CRYBG3: variants seen among roughly 807,000 people sequenced by gnomAD.
CRYBG3 encodes the protein very large A-kinase anchor protein.
A neutral mutation model predicts 244.2 loss-of-function variants in CRYBG3; 127 were observed. The ratio of observed to expected loss-of-function variants is 0.52; its 90% CI spans 0.45 to 0.60. The LOEUF (loss-of-function observed/expected upper bound fraction) is 0.60. CRYBG3 is among the 20% of genes least tolerant of loss of function. The pLI is 0.00. For missense variants in CRYBG3, 3,325 were observed against 3,442.5 expected, an observed-to-expected ratio of 0.97 and a Z score of 0.85; for synonymous variants, 1,132 against 1,195.8, an observed-to-expected ratio of 0.95 and a Z score of 1.10.
At position 97,911,900 on chromosome 3, in the gene CRYBG3, A is replaced by T. The variant is rs831881; in HGVS notation, c.8005-267A>T. ...TGATGTACTCTTCTAGGTAGAATTG[A>T]TTTCTAGGCCTCTCTTCCCACAATT... On this transcript the variant is annotated intron_variant, in intron 15 of 21. Transcript: ENST00000389622. Among the ~76,000 whole-genome samples, 116,238 of 152,074 alleles carry T rather than the reference A, an allele frequency of 0.76. 44,990 individuals are homozygous for T. The highest frequency in any genetic ancestry group is 0.85 in the East Asian group (4,417 of 5,184).
At position 97,943,286 on chromosome 3, in the gene CRYBG3, C is replaced by T. The variant is rs1281836389; in HGVS notation, c.8885C>T (p.Thr2962Ile). ...IVNQPLEGEE[T>I]QKWDIEIL ...AATCAGCCCCTGGAGGGAGAAGAAACACAGAAATGGGACATTGAAATATTG... is the reference window on the plus strand; with the variant it reads ...AATCAGCCCCTGGAGGGAGAAGAAATACAGAAATGGGACATTGAAATATTG... Residue 2962 changes from threonine (T) to isoleucine (I), a missense_variant, in exon 22 of 22, where the codon ACA becomes ATA. Coordinates refer to ENST00000389622, the MANE Select transcript of CRYBG3 (RefSeq NM_153605.4). 2.5e-6 allele frequency: 4 copies of T among 1,585,550 alleles called. No individual in the cohort carries two copies. Among genetic ancestry groups the T allele is most frequent in the Non-Finnish European group, 3.5e-6 (4 of 1,155,870 alleles).
rs1347374452 is a variant in CRYBG3 at position 97,822,062 on chromosome 3, C to G, written c.-145C>G. On this transcript the variant is annotated 5_prime_UTR_variant, in exon 1 of 22. Transcript: ENST00000389622. ...CGCGTCGCGTCCGCACTTCTCCTGCCCGAGAGAGACTGAGCCGCGCTGGCA... is the reference window on the plus strand; with the variant it reads ...CGCGTCGCGTCCGCACTTCTCCTGCGCGAGAGAGACTGAGCCGCGCTGGCA... 7 of 607,330 alleles carry G rather than the reference C, an allele frequency of 1.2e-5. No individual in the cohort carries two copies. Among genetic ancestry groups the G allele is most frequent in the African/African-American group, 1.9e-5 (1 of 52,572 alleles). The allele number at this position is 607,330 out of a possible 1,614,324, so 37.6% of individuals were successfully genotyped here.
At position 97,904,680 on chromosome 3, in the gene CRYBG3, TTTTTTATTTTTTTA is replaced by T. The variant is rs567213760; in HGVS notation, c.8004+4209_8004+4222del. On this transcript the variant is annotated intron_variant, in intron 15 of 21. Transcript: ENST00000389622. ...TTTTCTTTTATTTTTATTTTTTTTA[TTTTTTATTTTTTTA>T]TTTTTATTTTTTTTTAAGTTTCTGA... 2.5e-3 allele frequency among the ~76,000 whole-genome samples: 375 copies of T among 151,002 alleles called. 1 individual carries two copies. The East Asian group carries it at 0.025, about 10-fold the overall frequency.
In CRYBG3 at chr3:97,904,811, A is replaced by G. The variant is rs569498635; in HGVS notation, c.8004+4326A>G. Among the ~76,000 whole-genome samples the G allele has an allele frequency of 6.9e-4, 104 of 151,174 alleles. 1 individual carries two copies. The highest frequency in any genetic ancestry group is 2.5e-3 in the African/African-American group (101 of 41,132). ...GTGCAGGTTAGTTACATATGTATACATGTGCCATGCTGGTGCACTGCACCC... is the reference window on the plus strand; with the variant it reads ...GTGCAGGTTAGTTACATATGTATACGTGTGCCATGCTGGTGCACTGCACCC... On this transcript the variant is annotated intron_variant, in intron 15 of 21. Transcript: ENST00000389622.
Position 97,899,237 on chromosome 3 carries a change from A to C in CRYBG3, c.7945A>C (p.Ile2649Leu). 1 of 1,613,684 alleles carries C rather than the reference A, an allele frequency of 6.2e-7. No homozygotes were observed. The highest frequency in any genetic ancestry group is 8.5e-7 in the Non-Finnish European group (1 of 1,179,814). Residue 2649 changes from isoleucine to leucine, a missense_variant, in exon 14 of 22, where the codon ATC becomes CTC. By Grantham distance (5) the Ile-to-Leu change is conservative (BLOSUM62 2). Transcript: ENST00000389622. ...TGACTGGGGAGGATCAAATAATATA[A>C]TCATGTCGATACGGCCAATCCAACT... ...FFDWGGSNNI[I>L]MSIRPIQLEP...
Position 97,875,624 on chromosome 3 carries a change from A to G in CRYBG3, c.4430A>G (p.Lys1477Arg). 8.1e-7 allele frequency: 1 copy of G among 1,235,184 alleles called. No individual in the cohort carries two copies. Among genetic ancestry groups the G allele is most frequent in the East Asian group, 3.1e-5 (1 of 31,750 alleles). 76.5% of individuals were successfully genotyped at this position (1,235,184 alleles called of 1,614,324 possible). A position where few individuals can be genotyped will look rare whatever the true frequency, so the allele number is the denominator to read the frequency against. ...AGAAGAACTCTTGTATTAAATTTCAAATGGCCTCCACTTGTGAATGATGAC... is the reference window on the plus strand; with the variant it reads ...AGAAGAACTCTTGTATTAAATTTCAGATGGCCTCCACTTGTGAATGATGAC... The part of the protein sequence containing the change: ...EDRRTLVLNF[K>R]WPPLVNDDIH... The change falls in exon 4 of 22, where the codon AAA becomes AGA. Residue 1477 changes from lysine to arginine, a missense_variant. By Grantham distance (26) the Lys-to-Arg change is conservative. Around this residue, in one of 4 missense-constraint regions of CRYBG3, gnomAD observed 635 missense variants for 771.7 expected, o/e 0.82. Transcript: ENST00000389622.
At chr3:97,868,459 G>A (rs2039262773) in intron 3 of CRYBG3, among the ~76,000 whole-genome samples, 1 of 151,986 alleles carries the variant, frequency 6.6e-6, no homozygotes, top group African/African-American at 2.4e-5. Context: ...ATATGAAGCT[G>A]AACTTGTCAC....
intron 17 of CRYBG3, among the ~76,000 whole-genome samples, chr3:97,919,061 G>A (rs2039957009): frequency 6.6e-6 from 1 of 152,094 alleles, no homozygotes; most frequent in Admixed American, 6.6e-5. Flanking sequence ...AACTCATAGA[G>A]GTGTTCTCTG....
At position 97,850,697 on chromosome 3, in the gene CRYBG3, C is replaced by T. The variant is rs180673950; in HGVS notation, c.216+7436C>T. On this transcript the variant is annotated intron_variant, in intron 2 of 21. Coordinates refer to ENST00000389622, the MANE Select transcript of CRYBG3 (RefSeq NM_153605.4). ...TAATGTTATCTTTGAAGCAAAATTACTTTAACAATAGGAGTATAAACAGTT... is the reference window on the plus strand; with the variant it reads ...TAATGTTATCTTTGAAGCAAAATTATTTTAACAATAGGAGTATAAACAGTT... Among the ~76,000 whole-genome samples, 290 of 152,236 alleles carry T rather than the reference C, an allele frequency of 1.9e-3. 2 individuals carry two copies. Among genetic ancestry groups the T allele is most frequent in the African/African-American group, 6.8e-3 (281 of 41,542 alleles).
chr3:97,873,064 C>T lies in CRYBG3; in HGVS notation c.1870C>T (p.Pro624Ser). Reference sequence around the variant, plus strand: ...TAATAGAAGTCACATTTCAGAAACTCCTCTTGACTCTGAGAGTCCTCAACA... The same window carrying T: ...TAATAGAAGTCACATTTCAGAAACTTCTCTTGACTCTGAGAGTCCTCAACA... The part of the protein sequence containing the change: ...ELNRSHISET[P>S]LDSESPQQAE... The change falls in exon 4 of 22, where the codon CCT becomes TCT. Residue 624 changes from proline (P) to serine (S), a missense_variant. Transcript: ENST00000389622. The T allele has an allele frequency of 6.5e-7, 1 of 1,534,704 alleles. No homozygotes were observed. The highest frequency in any genetic ancestry group is 8.7e-7 in the Non-Finnish European group (1 of 1,146,476).
intron 2 of CRYBG3, among the ~76,000 whole-genome samples, chr3:97,849,356 C>G (rs1225151981): frequency 6.6e-6 from 1 of 151,936 alleles, no homozygotes; most frequent in Non-Finnish European, 1.5e-5. Context: ...TTCTGCATAA[C>G]GTTTGAGAAG....
intron 15 of CRYBG3, among the ~76,000 whole-genome samples, chr3:97,909,896 T>TTGC (rs1161278444): frequency 1.1e-4 from 16 of 146,916 alleles, no homozygotes; most frequent in Non-Finnish European, 2.1e-4. Flanking sequence ...CTTTTGGTCT[T>TTGC]TGATGATGGT....
chr3:97,822,406 T>TA, intron 1 of CRYBG3, 51 bp downstream of exon 1: 1 of 1,410,038 alleles, frequency 7.1e-7, no homozygotes. Context: ...ATTCGCGGGA[T>TA]GAAGGCTCCC....
intron 17 of CRYBG3, among the ~76,000 whole-genome samples, chr3:97,927,608 T>C (rs1359776826): frequency 6.6e-6 from 1 of 151,940 alleles, no homozygotes; most frequent in Non-Finnish European, 1.5e-5. Flanking sequence ...CAAAAGAAAC[T>C]ATCAACAGAG....
intron 1 of CRYBG3, among the ~76,000 whole-genome samples, chr3:97,822,715 C>A (rs568065981): frequency 3.9e-5 from 6 of 152,332 alleles, no homozygotes; most frequent in Admixed American, 1.3e-4. Flanking sequence ...AGCGATTTCC[C>A]CGGCGTCCCG....
Position 97,875,687 on chromosome 3 carries a change from A to C in CRYBG3, c.4493A>C (p.Asp1498Ala), listed in dbSNP as rs1576538131. ...GGTACATCTAAAAGCAGTTTGTCTGATAGCCTTGTATGTATATCTGAAAAA... is the reference window on the plus strand; with the variant it reads ...GGTACATCTAAAAGCAGTTTGTCTGCTAGCCTTGTATGTATATCTGAAAAA... ...APGTSKSSLS[D>A]SLVCISEKNL... The change falls in exon 4 of 22, where the codon GAT (aspartate) becomes GCT (alanine). Residue 1498 changes from aspartate to alanine, a missense_variant. Physicochemically the swap from Asp to Ala is moderately radical, Grantham distance 126. Around this residue, in one of 4 missense-constraint regions of CRYBG3, gnomAD observed 635 missense variants for 771.7 expected, o/e 0.82. Transcript: ENST00000389622. The C allele has an allele frequency of 8.1e-7, 1 of 1,232,966 alleles. No homozygotes were observed. Among genetic ancestry groups the C allele is most frequent in the East Asian group, 3.2e-5 (1 of 31,706 alleles). 76.4% of individuals were successfully genotyped at this position (1,232,966 alleles called of 1,614,324 possible). A position where few individuals can be genotyped will look rare whatever the true frequency, so the allele number is the denominator to read the frequency against.
At position 97,874,843 on chromosome 3, in the gene CRYBG3, T is replaced by A. The variant is rs940079060; in HGVS notation, c.3649T>A (p.Phe1217Ile). 8 of 1,535,822 alleles carry A rather than the reference T, an allele frequency of 5.2e-6. No individual in the cohort carries two copies. Among genetic ancestry groups the A allele is most frequent in the Middle Eastern group, 1.7e-4 (1 of 5,988 alleles). Residue 1217 changes from phenylalanine to isoleucine, a missense_variant, in exon 4 of 22, where the codon TTC (phenylalanine) becomes ATC (isoleucine). By Grantham distance (21) the Phe-to-Ile change is conservative. Transcript: ENST00000389622. ...TAATTCTGTCAGGGAAGAACTAAAATTCAAACACACAGTGAGTACCTGCCA... is the reference window on the plus strand; with the variant it reads ...TAATTCTGTCAGGGAAGAACTAAAAATCAAACACACAGTGAGTACCTGCCA... ...IFNSVREELKFKHTVSTCQEH... is the reference protein window; with the variant it reads ...IFNSVREELKIKHTVSTCQEH...
intron 13 of CRYBG3, 51 bp from the exon 14 acceptor site, chr3:97,899,086 A>G (rs1186472728): frequency 2.5e-6 from 4 of 1,600,308 alleles, no homozygotes; most frequent in Non-Finnish European, 2.6e-6. Flanking sequence ...TGTTTGCTCA[A>G]TTGTATATCA....
Position 97,889,374 on chromosome 3 carries a change from T to G in CRYBG3, c.7424T>G (p.Met2475Arg). ...CTTAAGGGTGGACTGAAAGTGGAAA[T>G]GCCCATGAACTTAAAGGTAAGTCTT... Reference protein sequence around the residue: ...PLQMGGLKVEMPMNLKVIIYE... With the variant: ...PLQMGGLKVERPMNLKVIIYE... The change falls in exon 10 of 22, where the codon ATG becomes AGG. Residue 2475 changes from methionine to arginine, a missense_variant. This residue lies in a region of CRYBG3 where 714 missense variants were observed against 803.6 expected (regional missense o/e 0.89). Coordinates refer to ENST00000389622, the MANE Select transcript of CRYBG3 (RefSeq NM_153605.4). 6.2e-7 allele frequency: 1 copy of G among 1,609,936 alleles called. No homozygotes were observed. The highest frequency in any genetic ancestry group is 1.7e-5 in the Admixed American group (1 of 59,990).
Sources: allele counts gnomAD v4.1 joint callset (sites outside exome capture counted in the v4.1 genomes callset), GRCh38; gene constraint gnomAD v4.1.1; regional missense constraint gnomAD v4.1.1; transcripts MANE v1.5; gene names NCBI Gene and HGNC (gene_info 2026-07-23, HGNC 2026-07-21).